Variants in MIER3 observed in about 807,000 individuals in gnomAD.
MIER3 encodes the protein MIER family member 3.
MIER3 carries 9 observed loss-of-function variants against 63.2 expected under a neutral mutation model. The observed-to-expected ratio is 0.14, with a 90% CI of 0.09 to 0.25. The LOEUF is 0.25. Among genes scored for constraint, MIER3 ranks in the 10% least tolerant of loss-of-function variants. MIER3 has a pLI of 1.00. For synonymous variants in MIER3, 205 were observed against 224.9 expected, an observed-to-expected ratio of 0.91 and a Z score of 0.79; for missense variants, 512 against 666.2, an observed-to-expected ratio of 0.77 and a Z score of 2.55.
intron 9 of MIER3, among the ~76,000 whole-genome samples, chr5:56,929,795 A>T (rs1045592254): frequency 3.3e-5 from 5 of 152,186 alleles, no homozygotes; most frequent in Admixed American, 2.6e-4. Context: ...AGGTCTTCAA[A>T]GAGTCACAGC....
intron 7 of MIER3, among the ~76,000 whole-genome samples, chr5:56,933,814 T>C (rs1750355016): frequency 6.6e-6 from 1 of 152,160 alleles, no homozygotes; most frequent in Non-Finnish European, 1.5e-5. Flanking sequence ...AGGTTCAAAA[T>C]TGCAAATAAA....
intron 10 of MIER3, among the ~76,000 whole-genome samples, chr5:56,926,111 T>C (rs832532): frequency 0.79 from 119,493 of 152,002 alleles, 47,398 homozygotes; most frequent in Non-Finnish European, 0.84. Context: ...AAATGGATTA[T>C]AGACCTAAAT....
At position 56,932,482 on chromosome 5, in the gene MIER3, G is replaced by A. The variant is rs77504582; in HGVS notation, c.747+765C>T. Among the ~76,000 whole-genome samples the A allele has an allele frequency of 7.6e-3, 1,158 of 152,248 alleles. 6 individuals are homozygous for A. The highest frequency in any genetic ancestry group is 0.014 in the Non-Finnish European group (942 of 68,006). ...CAATGGGATTTCTTTTTGACAGCTAGTATGACTTCCCTATGTTACTTCAGA... is the reference window on the plus strand; with the variant it reads ...CAATGGGATTTCTTTTTGACAGCTAATATGACTTCCCTATGTTACTTCAGA... On this transcript the variant is annotated intron_variant, in intron 8 of 12. Transcript: ENST00000381199.
rs1750622976 is a variant in MIER3, at chr5:56,940,880, T to C, written c.181-1863A>G. 3 of 723,124 alleles carry C rather than the reference T, an allele frequency of 4.1e-6. No homozygotes were observed. The African/African-American group carries it at 5.8e-5, about 14-fold the overall frequency. The allele number at this position is 723,124 out of a possible 1,614,324, so 44.8% of individuals were successfully genotyped here. On this transcript the variant is annotated intron_variant, in intron 3 of 12. Coordinates refer to ENST00000381199, the MANE Select transcript of MIER3 (RefSeq NM_001297599.2). The stretch of plus-strand genomic sequence containing the variant: ...TGCAGCCCATTCCCTTTGGCTCATA[T>C]TGGTTCTAATACAAGAGGTGCCTGG...
At chr5:56,937,846 AAATATTT>A (rs1428137858) in intron 4 of MIER3, 148 bp from the exon 5 acceptor site, 6 of 344,354 alleles carry the variant, frequency 1.7e-5, no homozygotes, top group Non-Finnish European at 2.9e-5. Context: ...TCATGTACAT[AAATATTT>A]AATATTATAT....
chr5:56,934,735 G>T (rs1023572034), intron 7 of MIER3, among the ~76,000 whole-genome samples: 1 of 152,062 alleles, frequency 6.6e-6, no homozygotes, highest in Non-Finnish European at 1.5e-5. Flanking sequence ...AAAAAAGAAG[G>T]ACTCAGGAAG....
intron 2 of MIER3, 103 bp from the exon 3 acceptor site, chr5:56,947,174 AG>A: frequency 9.0e-7 from 1 of 1,113,674 alleles, no homozygotes; most frequent in Non-Finnish European, 1.3e-6. Flanking sequence ...TGTTTATATG[AG>A]GGTTTTACTA....
chr5:56,927,073 G>C (rs561071248), intron 10 of MIER3, among the ~76,000 whole-genome samples: 12 of 152,194 alleles, frequency 7.9e-5, no homozygotes, highest in Middle Eastern at 3.4e-3. Flanking sequence ...ATGGCTGCTA[G>C]AAGTTGTTAG....
At chr5:56,939,049 G>C (rs750353277) in intron 3 of MIER3, 32 bp from the exon 4 acceptor site, 7 of 1,610,486 alleles carry the variant, frequency 4.3e-6, no homozygotes, top group Non-Finnish European at 5.9e-6. Context: ...CACGGACTCA[G>C]CAGATGTCAC....
chr5:56,948,822 T>C (rs1750917721), intron 2 of MIER3, among the ~76,000 whole-genome samples: 1 of 152,228 alleles, frequency 6.6e-6, no homozygotes, highest in African/African-American at 2.4e-5. Flanking sequence ...TTCACCTCTT[T>C]GGTAGCAGAG....
At position 56,930,979 on chromosome 5, in the gene MIER3, T is replaced by C. The variant is rs952161911; in HGVS notation, c.748-234A>G. 5.6e-5 allele frequency among the ~76,000 whole-genome samples: 8 copies of C among 142,862 alleles called. No individual in the cohort carries two copies. The Admixed American group carries it at 5.7e-4, about 10-fold the overall frequency. The allele number at this position is 142,862 out of a possible 152,430, so 93.7% of individuals were successfully genotyped here. A position where few individuals can be genotyped will look rare whatever the true frequency, so the allele number is the denominator to read the frequency against. Reference sequence around the variant, plus strand: ...CTCATGCTACCTCTCAGAAGTCACCTGCCTGTATCATTCTTGACTTTTTTT... The same window carrying C: ...CTCATGCTACCTCTCAGAAGTCACCCGCCTGTATCATTCTTGACTTTTTTT... On this transcript the variant is annotated intron_variant, in intron 8 of 12. Coordinates refer to ENST00000381199, the MANE Select transcript of MIER3 (RefSeq NM_001297599.2).
At chr5:56,933,521 C>T in intron 7 of MIER3, 123 bp from the exon 8 acceptor site, 1 of 852,438 alleles carries the variant, frequency 1.2e-6, no homozygotes, top group Non-Finnish European at 1.7e-6. Context: ...TTGAAGACAC[C>T]AGTAATCCGA....
intron 4 of MIER3, chr5:56,938,186 G>A (rs532239360): frequency 3.7e-5 from 17 of 462,122 alleles, no homozygotes; most frequent in South Asian, 2.7e-4. Flanking sequence ...TCATCCTTGT[G>A]CCTAGCACAA....
At chr5:56,951,563 C>G (rs1309349859) in intron 1 of MIER3, among the ~76,000 whole-genome samples, 3 of 152,188 alleles carry the variant, frequency 2.0e-5, no homozygotes, top group African/African-American at 7.2e-5. Flanking sequence ...GCATCCCGCT[C>G]TTCTCCGCGC....
chr5:56,923,101 C>T lies in MIER3; in HGVS notation c.*27G>A, dbSNP rs900292759. Reference sequence around the variant, plus strand: ...TCCCCTCAAGTTTACTGGTGCTGCACACGCAGTTCCGGGATCCTCACTCAG... The same window carrying T: ...TCCCCTCAAGTTTACTGGTGCTGCATACGCAGTTCCGGGATCCTCACTCAG... On this transcript the variant is annotated 3_prime_UTR_variant, in exon 13 of 13. Coordinates refer to ENST00000381199, the MANE Select transcript of MIER3 (RefSeq NM_001297599.2). The T allele has an allele frequency of 2.5e-6, 4 of 1,595,520 alleles. No homozygotes were observed. The East Asian group carries it at 9.0e-5, about 36-fold the overall frequency.
At chr5:56,941,102 G>A (rs1229539705) in intron 3 of MIER3, 2 of 985,332 alleles carry the variant, frequency 2.0e-6, no homozygotes, top group African/African-American at 1.7e-5. Context: ...GAAATTTACT[G>A]AAGAATCCCT....
chr5:56,928,957 T>TCTCTCTCTCACACACACA, intron 9 of MIER3, 96 bp from the exon 10 acceptor site: 1 of 152,674 alleles, frequency 6.5e-6, no homozygotes, highest in Non-Finnish European at 1.3e-5. Context: ...GGTCACAAAC[T>TCTCTCTCTCACACACACA]CTCTCTCTCT....
intron 3 of MIER3, among the ~76,000 whole-genome samples, chr5:56,940,412 AGCCAGTGATGATTCCTTAGAGGGCCAGCT>A (rs1267404109): frequency 1.3e-5 from 2 of 152,242 alleles, no homozygotes; most frequent in Non-Finnish European, 2.9e-5. Context: ...ACCTGAGAAG[AGCCAGTGATGATTCCTTAGAGGGCCAGCT>A]GGCTGCCCAC....
At chr5:56,938,537 T>C (rs765741769) in intron 4 of MIER3, among the ~76,000 whole-genome samples, 9 of 152,238 alleles carry the variant, frequency 5.9e-5, no homozygotes, top group Non-Finnish European at 1.3e-4. Context: ...CTAAGCCAGC[T>C]TGGTTTGAAG....
Sources: allele counts gnomAD v4.1 joint callset (sites outside exome capture counted in the v4.1 genomes callset), GRCh38; gene constraint gnomAD v4.1.1; transcripts MANE v1.5; gene names NCBI Gene and HGNC (gene_info 2026-07-23, HGNC 2026-07-21).